Variants in ROBO1 observed in about 807,000 individuals in gnomAD.
ROBO1 encodes roundabout homolog 1.
A neutral mutation model predicts 195.9 loss-of-function variants in ROBO1; 149 were observed. The observed-to-expected ratio is 0.76, with a 90% CI of 0.67 to 0.87. The LOEUF (loss-of-function observed/expected upper bound fraction) is 0.87. Ranked by LOEUF, ROBO1 falls within the 40% of genes least tolerant of loss-of-function variation. The pLI is 0.00. For missense variants in ROBO1, 1,933 were observed against 2,068.3 expected (o/e 0.93, Z 1.27); for synonymous variants, 816 against 733.2 (o/e 1.11, Z -1.82).
At chr3:79,376,191 A>G (rs2036376506) in intron 2 of ROBO1, among the ~76,000 whole-genome samples, 2 of 152,200 alleles carry the variant, frequency 1.3e-5, no homozygotes, top group African/African-American at 4.8e-5. Flanking sequence ...TCATGTGAAA[A>G]TTACACAAAT....
chr3:78,750,841 C>T (rs1405134941), intron 4 of ROBO1, among the ~76,000 whole-genome samples: 1 of 152,118 alleles, frequency 6.6e-6, no homozygotes. Context: ...ATCCCATAAA[C>T]AGAGACAACC....
At chr3:79,621,074 C>A in intron 1 of ROBO1, among the ~76,000 whole-genome samples, 1 of 152,138 alleles carries the variant, frequency 6.6e-6, no homozygotes, top group East Asian at 1.9e-4. Flanking sequence ...GCTTTCTTTA[C>A]TATTCCTGTA....
intron 2 of ROBO1, among the ~76,000 whole-genome samples, chr3:79,205,071 C>T (rs918946255): frequency 2.6e-5 from 4 of 152,124 alleles, no homozygotes; most frequent in African/African-American, 9.7e-5. Context: ...TGGCTCACAG[C>T]AACCTCTACC....
intron 3 of ROBO1, among the ~76,000 whole-genome samples, chr3:79,031,014 G>A (rs1490722685): frequency 2.0e-5 from 3 of 152,184 alleles, no homozygotes; most frequent in African/African-American, 7.2e-5. Flanking sequence ...GAGCCACCAT[G>A]CCCGGCCCCA....
intron 4 of ROBO1, among the ~76,000 whole-genome samples, chr3:78,754,163 C>T (rs2082869242): frequency 6.6e-6 from 1 of 152,122 alleles, no homozygotes; most frequent in South Asian, 2.1e-4. Flanking sequence ...AATGTTTATA[C>T]AGGACTTGCC....
At chr3:79,156,185 C>G (rs1404026372) in intron 2 of ROBO1, among the ~76,000 whole-genome samples, 2 of 151,496 alleles carry the variant, frequency 1.3e-5, no homozygotes, top group African/African-American at 4.8e-5. Flanking sequence ...GACTTCCTTT[C>G]CTAACCCCTC....
intron 2 of ROBO1, among the ~76,000 whole-genome samples, chr3:79,174,570 G>A (rs1478290525): frequency 1.3e-5 from 2 of 152,116 alleles, no homozygotes; most frequent in South Asian, 2.1e-4. Context: ...TTCATAGTCC[G>A]TAATTGTCAA....
rs1559944090 is a variant in ROBO1, at chr3:79,500,117, C to CTGT, written c.88+89706_88+89707insACA. ...GCCATCCCATGCGGCAGTAAGTTTT[C>CTGT]TCTTTTTTTTTTTTTTTTTTTTTTT... On this transcript the variant is annotated intron_variant, in intron 2 of 30. Transcript: ENST00000464233. 3.2e-4 allele frequency among the ~76,000 whole-genome samples: 35 copies of CTGT among 110,610 alleles called. 1 individual carries two copies. Among genetic ancestry groups the CTGT allele is most frequent in the African/African-American group, 1.1e-3 (30 of 27,942 alleles). 72.6% of individuals were successfully genotyped at this position (110,610 alleles called of 152,430 possible). A position where few individuals can be genotyped will look rare whatever the true frequency, so the allele number is the denominator to read the frequency against.
intron 3 of ROBO1, among the ~76,000 whole-genome samples, chr3:78,990,452 G>T (rs1240471625): frequency 6.6e-6 from 1 of 152,146 alleles, no homozygotes; most frequent in Non-Finnish European, 1.5e-5. Context: ...ATAAGCAACA[G>T]TGAAGACAAG....
chr3:79,761,543 CT>C (rs1488605209), intron 1 of ROBO1, among the ~76,000 whole-genome samples: 1 of 152,108 alleles, frequency 6.6e-6, no homozygotes, highest in East Asian at 1.9e-4. Flanking sequence ...GCTAATCAAA[CT>C]TGTCATAATA....
intron 4 of ROBO1, among the ~76,000 whole-genome samples, chr3:78,884,652 G>GAAAGAAAGAAAGAAAGAAAGA (rs1559961818): frequency 1.8e-4 from 9 of 49,040 alleles, no homozygotes; most frequent in African/African-American, 5.3e-4. Flanking sequence ...AGAAAGAAAG[G>GAAAGAAAGAAAGAAAGAAAGA]AAGGAAGGAA....
chr3:79,499,151 C>T (rs546662988), intron 2 of ROBO1, among the ~76,000 whole-genome samples: 1 of 152,060 alleles, frequency 6.6e-6, no homozygotes, highest in East Asian at 1.9e-4. Flanking sequence ...CGCACCACCA[C>T]GCTCAGCTAA....
chr3:79,684,645 T>C (rs72895958), intron 1 of ROBO1, among the ~76,000 whole-genome samples: 5,139 of 152,022 alleles, frequency 0.034, 212 homozygotes, highest in African/African-American at 0.1. Context: ...TGTTGCATAC[T>C]CCTGAATTAT....
At chr3:79,702,980 G>C (rs1310701000) in intron 1 of ROBO1, among the ~76,000 whole-genome samples, 1 of 151,900 alleles carries the variant, frequency 6.6e-6, no homozygotes, top group African/African-American at 2.4e-5. Flanking sequence ...CTTTTACTGA[G>C]ATCATGGTGA....
intron 2 of ROBO1, among the ~76,000 whole-genome samples, chr3:79,313,698 C>T (rs2033598878): frequency 6.6e-6 from 1 of 152,246 alleles, no homozygotes; most frequent in African/African-American, 2.4e-5. Flanking sequence ...CCCTATTTTG[C>T]TGAATTCTGA....
chr3:79,070,066 T>C (rs866014285), intron 3 of ROBO1, among the ~76,000 whole-genome samples: 2 of 151,750 alleles, frequency 1.3e-5, no homozygotes, highest in African/African-American at 4.8e-5. Flanking sequence ...GTTTATTTAT[T>C]GACTACTTTT....
chr3:79,343,024 C>A (rs1559831914), intron 2 of ROBO1, among the ~76,000 whole-genome samples: 1 of 152,112 alleles, frequency 6.6e-6, no homozygotes, highest in Non-Finnish European at 1.5e-5. Flanking sequence ...TCTCTCACAC[C>A]CTAACAACAA....
chr3:79,042,266 T>TAC (rs200327614), intron 3 of ROBO1, among the ~76,000 whole-genome samples: 1 of 152,190 alleles, frequency 6.6e-6, no homozygotes, highest in South Asian at 2.1e-4. Context: ...TATACATACA[T>TAC]ACACACACAC....
intron 1 of ROBO1, among the ~76,000 whole-genome samples, chr3:79,649,486 T>C (rs943212583): frequency 6.6e-6 from 1 of 152,074 alleles, no homozygotes; most frequent in Non-Finnish European, 1.5e-5. Context: ...AAAATATCCA[T>C]ATTCCAGAAT....
Sources: gnomAD v4.1 joint callset for allele counts (sites outside exome capture counted in the v4.1 genomes callset) on GRCh38, gnomAD v4.1.1 for gene constraint, MANE v1.5 for transcripts, NCBI Gene and HGNC (gene_info 2026-07-23, HGNC 2026-07-21) for gene names.